HS3ST3A1: variants seen among roughly 807,000 people sequenced by gnomAD.
The protein encoded by HS3ST3A1 is heparan sulfate-glucosamine 3-sulfotransferase 3A1, also known as heparan sulfate glucosamine 3-O-sulfotransferase 3A1.
Under a neutral mutation model 25.7 loss-of-function variants are expected in HS3ST3A1, and 19 were observed. The observed-to-expected ratio is 0.74, with a 90% CI of 0.52 to 1.08. The LOEUF is 1.08. Ranked by LOEUF, HS3ST3A1 falls within the 50% of genes least tolerant of loss-of-function variation. The pLI, the probability that HS3ST3A1 is intolerant of heterozygous loss-of-function variation, is 0.00. For missense variants in HS3ST3A1, 459 were observed against 594.3 expected, an observed-to-expected ratio of 0.77 and a Z score of 2.37; for synonymous variants, 226 against 278.6, an observed-to-expected ratio of 0.81 and a Z score of 1.88.
intron 1 of HS3ST3A1, among the ~76,000 whole-genome samples, chr17:13,538,003 C>T (rs1906820365): frequency 6.6e-6 from 1 of 152,170 alleles, no homozygotes; most frequent in Non-Finnish European, 1.5e-5. Context: ...ATACAATAAA[C>T]ATTCTTTAGC....
At chr17:13,554,456 A>G (rs1907320380) in intron 1 of HS3ST3A1, among the ~76,000 whole-genome samples, 1 of 152,216 alleles carries the variant, frequency 6.6e-6, no homozygotes, top group African/African-American at 2.4e-5. Context: ...ACAAAGTTTT[A>G]CAAGATACAG....
intron 1 of HS3ST3A1, among the ~76,000 whole-genome samples, chr17:13,534,547 CAAAAAAAAAAAAAAAAAAA>C (rs34383911): frequency 9.1e-5 from 3 of 32,816 alleles, no homozygotes; most frequent in African/African-American, 1.9e-4. Context: ...CTACAAAATC[CAAAAAAAAAAAAAAAAAAA>C]AAAAAAAAAA....
At position 13,498,832 on chromosome 17, in the gene HS3ST3A1, C is replaced by T. The variant is rs574338803; in HGVS notation, c.600-2014G>A. On this transcript the variant is annotated intron_variant, in intron 1 of 1. Transcript: ENST00000284110. ...AAGTTCTTGCATACACAGTAATAAA[C>T]GTGTATGCCTTTTCTCCTGTGAATC... is the stretch of plus-strand genomic sequence containing the variant. 1.5e-4 allele frequency among the ~76,000 whole-genome samples: 23 copies of T among 152,210 alleles called. No individual in the cohort carries two copies. In the South Asian group the frequency reaches 3.3e-3, roughly 22 times the overall value.
At chr17:13,556,200 G>A (rs1233404955) in intron 1 of HS3ST3A1, among the ~76,000 whole-genome samples, 1 of 152,140 alleles carries the variant, frequency 6.6e-6, no homozygotes, top group Non-Finnish European at 1.5e-5. Flanking sequence ...CTAGATTTGG[G>A]GAGAATTAGA....
At chr17:13,510,852 C>G (rs577451306) in intron 1 of HS3ST3A1, among the ~76,000 whole-genome samples, 1 of 152,124 alleles carries the variant, frequency 6.6e-6, no homozygotes, top group Non-Finnish European at 1.5e-5. Context: ...TTACAGGCAC[C>G]CACCACCATG....
Position 13,514,136 on chromosome 17 carries a change from G to A in HS3ST3A1, c.600-17318C>T, listed in dbSNP as rs1043762966. Among the ~76,000 whole-genome samples the A allele has an allele frequency of 5.9e-5, 9 of 151,620 alleles. No individual in the cohort carries two copies. In the East Asian group the frequency reaches 1.7e-3, roughly 29 times the overall value. On this transcript the variant is annotated intron_variant, in intron 1 of 1. Coordinates refer to ENST00000284110, the MANE Select transcript of HS3ST3A1 (RefSeq NM_006042.3). ...TGTTTTGTCTATTTTTTTCTAATGGGATTTTTTTTCTTAGATTTCAAATAT... is the reference window on the plus strand; with the variant it reads ...TGTTTTGTCTATTTTTTTCTAATGGAATTTTTTTTCTTAGATTTCAAATAT...
chr17:13,544,591 G>T (rs923948853), intron 1 of HS3ST3A1, among the ~76,000 whole-genome samples: 1 of 152,160 alleles, frequency 6.6e-6, no homozygotes, highest in Non-Finnish European at 1.5e-5. Context: ...TTGCTGCAGA[G>T]AAGTGATGTC....
intron 1 of HS3ST3A1, 37 bp downstream of exon 1, chr17:13,600,494 G>T: frequency 6.5e-7 from 1 of 1,542,286 alleles, no homozygotes; most frequent in South Asian, 1.2e-5. Context: ...CAGGACCCCC[G>T]GATCCTTCAG....
intron 1 of HS3ST3A1, among the ~76,000 whole-genome samples, chr17:13,508,729 C>T (rs1162138803): frequency 6.6e-6 from 1 of 152,138 alleles, no homozygotes; most frequent in Non-Finnish European, 1.5e-5. Flanking sequence ...TATCAATGTC[C>T]TATCAAAGTA....
Position 13,526,296 on chromosome 17 carries a change from C to G in HS3ST3A1, c.600-29478G>C, listed in dbSNP as rs566164464. Among the ~76,000 whole-genome samples, 4 of 151,848 alleles carry G rather than the reference C, an allele frequency of 2.6e-5. No individual in the cohort carries two copies. The East Asian group carries it at 7.8e-4, about 30-fold the overall frequency. ...CAATCCAGACTTCCCTGCATTGTAT[C>G]TTAGAGAATTTATGAGCTCTTTAGT... On this transcript the variant is annotated intron_variant, in intron 1 of 1. Transcript: ENST00000284110.
At chr17:13,510,855 C>T (rs1905838539) in intron 1 of HS3ST3A1, among the ~76,000 whole-genome samples, 1 of 152,198 alleles carries the variant, frequency 6.6e-6, no homozygotes. Flanking sequence ...CAGGCACCCA[C>T]CACCATGTCC....
intron 1 of HS3ST3A1, among the ~76,000 whole-genome samples, chr17:13,510,205 C>A (rs567189035): frequency 6.6e-6 from 1 of 152,166 alleles, no homozygotes; most frequent in Non-Finnish European, 1.5e-5. Context: ...GGCTGATCTG[C>A]GCTCTTGACA....
chr17:13,550,366 A>G (rs964082440), intron 1 of HS3ST3A1, among the ~76,000 whole-genome samples: 2 of 152,146 alleles, frequency 1.3e-5, no homozygotes, highest in African/African-American at 4.8e-5. Flanking sequence ...CCTCTGGCCA[A>G]GGAAATTACA....
At chr17:13,591,986 A>C (rs1163671155) in intron 1 of HS3ST3A1, among the ~76,000 whole-genome samples, 1 of 152,130 alleles carries the variant, frequency 6.6e-6, no homozygotes, top group Non-Finnish European at 1.5e-5. Flanking sequence ...TTTTCTAACT[A>C]AAGGTCCAAG....
intron 1 of HS3ST3A1, among the ~76,000 whole-genome samples, chr17:13,512,893 T>G (rs1905924434): frequency 6.6e-6 from 1 of 152,170 alleles, no homozygotes; most frequent in Non-Finnish European, 1.5e-5. Flanking sequence ...AATTGAGTCA[T>G]TTTTGGTCAT....
intron 1 of HS3ST3A1, among the ~76,000 whole-genome samples, chr17:13,549,574 T>C (rs1907187385): frequency 6.6e-6 from 1 of 152,184 alleles, no homozygotes. Flanking sequence ...TCAGGGCACT[T>C]TCCTGAACAC....
intron 1 of HS3ST3A1, among the ~76,000 whole-genome samples, chr17:13,564,718 CCTTT>C (rs1649979410): frequency 8.1e-6 from 1 of 123,152 alleles, no homozygotes; most frequent in Admixed American, 8.4e-5. Context: ...GGACTTCTTT[CCTTT>C]TTTTTTTTTT....
intron 1 of HS3ST3A1, among the ~76,000 whole-genome samples, chr17:13,586,439 C>G (rs904355917): frequency 6.6e-6 from 1 of 151,770 alleles, no homozygotes; most frequent in African/African-American, 2.4e-5. Context: ...CCACTGCAAG[C>G]CTTCAATGCC....
chr17:13,504,739 T>C (rs1055508915), intron 1 of HS3ST3A1, among the ~76,000 whole-genome samples: 1 of 152,234 alleles, frequency 6.6e-6, no homozygotes, highest in Non-Finnish European at 1.5e-5. Flanking sequence ...AAGCCCACTA[T>C]GTTTCCAATT....
Sources: gnomAD v4.1 joint callset for allele counts (sites outside exome capture counted in the v4.1 genomes callset) on GRCh38, gnomAD v4.1.1 for gene constraint, MANE v1.5 for transcripts, NCBI Gene and HGNC (gene_info 2026-07-23, HGNC 2026-07-21) for gene names.